The following USP24 variants were observed in gnomAD, a reference collection of about 807,000 sequenced individuals.
The protein encoded by USP24 is ubiquitin carboxyl-terminal hydrolase 24.
Under a neutral mutation model 361.6 loss-of-function variants are expected in USP24, and 97 were observed. That is an observed-to-expected ratio of 0.27 (90% CI 0.23 to 0.32). The LOEUF (loss-of-function observed/expected upper bound fraction) is 0.32. Among genes scored for constraint, USP24 ranks in the 10% least tolerant of loss-of-function variants. The pLI, the probability that USP24 is intolerant of heterozygous loss-of-function variation, is 1.00. For synonymous variants in USP24, 1,098 were observed against 1,124.6 expected (o/e 0.98, Z 0.47); for missense variants, 2,353 against 3,165.6 (o/e 0.74, Z 6.16).
At chr1:55,144,090 T>C (rs1436413674) in intron 21 of USP24, 37 bp downstream of exon 21, 1 of 1,497,652 alleles carries the variant, frequency 6.7e-7, no homozygotes, top group Non-Finnish European at 9.0e-7. Flanking sequence ...TATACTAGAT[T>C]ATCCAAACTA....
intron 67 of USP24, among the ~76,000 whole-genome samples, chr1:55,069,927 C>T (rs1262478853): frequency 1.4e-5 from 2 of 143,940 alleles, no homozygotes; most frequent in African/African-American, 5.2e-5. Context: ...GGGAGGTGCG[C>T]AGGTGCTAGA....
At chr1:55,074,078 A>G (rs1455918597) in intron 63 of USP24, among the ~76,000 whole-genome samples, 172 bp from the exon 64 acceptor site, 1 of 149,540 alleles carries the variant, frequency 6.7e-6, no homozygotes, top group Non-Finnish European at 1.5e-5. Context: ...CTAAATTCTA[A>G]TGGGTGGAAA....
At chr1:55,196,321 A>C (rs2100898677) in intron 1 of USP24, among the ~76,000 whole-genome samples, 1 of 152,238 alleles carries the variant, frequency 6.6e-6, no homozygotes, top group South Asian at 2.1e-4. Flanking sequence ...CAGTGAGTTG[A>C]ATCTAATGCA....
chr1:55,138,833 A>C, intron 25 of USP24, 111 bp downstream of exon 25: 2 of 1,323,700 alleles, frequency 1.5e-6, no homozygotes, highest in Non-Finnish European at 2.1e-6. Context: ...AGAGAGGCTA[A>C]CTGGGTGTGG....
chr1:55,155,107 A>G (rs917578413), intron 12 of USP24, among the ~76,000 whole-genome samples: 2 of 152,202 alleles, frequency 1.3e-5, no homozygotes, highest in Non-Finnish European at 2.9e-5. Flanking sequence ...AGATTTAAAC[A>G]GATTGAATTA....
At chr1:55,119,081 A>G (rs1226174466) in intron 38 of USP24, among the ~76,000 whole-genome samples, 4 of 152,228 alleles carry the variant, frequency 2.6e-5, no homozygotes, top group Admixed American at 1.3e-4. Flanking sequence ...TATACACCCT[A>G]AAGAACTGAA....
At chr1:55,180,404 G>T (rs1419493524) in intron 1 of USP24, among the ~76,000 whole-genome samples, 1 of 152,084 alleles carries the variant, frequency 6.6e-6, no homozygotes, top group African/African-American at 2.4e-5. Context: ...TGGTTGTTTT[G>T]TCCAATAGAC....
intron 45 of USP24, 129 bp from the exon 46 acceptor site, chr1:55,098,687 A>G (rs1645553310): frequency 2.9e-6 from 2 of 691,438 alleles, no homozygotes; most frequent in South Asian, 3.5e-5. Context: ...AGCTGTGGTG[A>G]ATGGAGGCTA....
At chr1:55,182,327 G>A (rs573110497) in intron 1 of USP24, among the ~76,000 whole-genome samples, 6 of 152,064 alleles carry the variant, frequency 3.9e-5, no homozygotes, top group African/African-American at 7.2e-5. Flanking sequence ...TGCTGGGATT[G>A]CAGGCGTGAG....
At chr1:55,098,147 T>A in intron 46 of USP24, 63 bp from the exon 47 acceptor site, 2 of 1,478,838 alleles carry the variant, frequency 1.4e-6, no homozygotes, top group Non-Finnish European at 1.8e-6. Flanking sequence ...TCAATTATCA[T>A]AATACCTAAG....
At chr1:55,077,016 T>C (rs901640720) in intron 62 of USP24, among the ~76,000 whole-genome samples, 6 of 152,198 alleles carry the variant, frequency 3.9e-5, no homozygotes, top group Non-Finnish European at 7.4e-5. Context: ...GTACTTGTCT[T>C]GCTCCCTCAC....
At chr1:55,182,810 G>C (rs1557680573) in intron 1 of USP24, among the ~76,000 whole-genome samples, 1 of 152,092 alleles carries the variant, frequency 6.6e-6, no homozygotes, top group East Asian at 1.9e-4. Flanking sequence ...CATCTCCTGG[G>C]TTCAAGCAAT....
chr1:55,169,795 A>G (rs986888419), intron 5 of USP24, among the ~76,000 whole-genome samples: 2 of 152,214 alleles, frequency 1.3e-5, no homozygotes, highest in Non-Finnish European at 1.5e-5. Context: ...ACCCACAAAC[A>G]GAACCTTACT....
chr1:55,181,627 A>C (rs1643968841), intron 1 of USP24, among the ~76,000 whole-genome samples: 1 of 152,224 alleles, frequency 6.6e-6, no homozygotes, highest in South Asian at 2.1e-4. Context: ...GGTATACGTC[A>C]TTACTATGGA....
At chr1:55,179,034 CACT>C (rs1450159867) in intron 1 of USP24, among the ~76,000 whole-genome samples, 5 of 152,158 alleles carry the variant, frequency 3.3e-5, no homozygotes, top group Admixed American at 3.3e-4. Context: ...ATCTCCACAC[CACT>C]GACTCATTCC....
intron 49 of USP24, 73 bp from the exon 50 acceptor site, chr1:55,096,695 A>G (rs1645503506): frequency 1.3e-6 from 2 of 1,531,228 alleles, no homozygotes; most frequent in Non-Finnish European, 1.8e-6. Context: ...ATTGATCTCA[A>G]TGTATTGTCT....
At chr1:55,210,968 A>C (rs965851493) in intron 1 of USP24, among the ~76,000 whole-genome samples, 1 of 152,236 alleles carries the variant, frequency 6.6e-6, no homozygotes, top group Non-Finnish European at 1.5e-5. Flanking sequence ...TTAATGAATA[A>C]GGTATTCATT....
chr1:55,115,647 C>T lies in USP24; in HGVS notation c.4508+4949G>A, dbSNP rs543187305. 3.8e-3 allele frequency among the ~76,000 whole-genome samples: 578 copies of T among 152,108 alleles called. 1 individual carries two copies. The highest frequency in any genetic ancestry group is 5.5e-3 in the Non-Finnish European group (374 of 67,988). On this transcript the variant is annotated intron_variant, in intron 38 of 67. Transcript: ENST00000294383. ...ATCTAGAACCAGAAATACCATTTGACCCAGCAATCCCATCACTGGATATAT... is the reference window on the plus strand; with the variant it reads ...ATCTAGAACCAGAAATACCATTTGATCCAGCAATCCCATCACTGGATATAT...
intron 24 of USP24, among the ~76,000 whole-genome samples, chr1:55,139,419 C>A (rs1313574931): frequency 6.6e-6 from 1 of 152,142 alleles, no homozygotes; most frequent in Non-Finnish European, 1.5e-5. Context: ...AAGTTCTGAA[C>A]TGCCTGAGAA....
Sources: gnomAD v4.1 joint callset for allele counts (sites outside exome capture counted in the v4.1 genomes callset) on GRCh38, gnomAD v4.1.1 for gene constraint, MANE v1.5 for transcripts, NCBI Gene and HGNC (gene_info 2026-07-23, HGNC 2026-07-21) for gene names.